Variants in RAI14 observed in about 807,000 individuals in gnomAD.
RAI14 encodes the protein ankycorbin.
In RAI14, 45 loss-of-function variants were observed where a neutral mutation model predicts 115.4. The ratio of observed to expected loss-of-function variants is 0.39; its 90% CI spans 0.31 to 0.50. The LOEUF (loss-of-function observed/expected upper bound fraction) is 0.50, where lower values mean the gene tolerates loss of function less well. Ranked by LOEUF, RAI14 falls within the 20% of genes least tolerant of loss-of-function variation. RAI14 has a pLI of 0.85. For missense variants in RAI14, 939 were observed against 1,131.2 expected (o/e 0.83, Z 2.44); for synonymous variants, 371 against 415.4 (o/e 0.89, Z 1.30).
intron 4 of RAI14, among the ~76,000 whole-genome samples, chr5:34,796,778 AC>A (rs1561046771): frequency 6.6e-6 from 1 of 152,034 alleles, no homozygotes; most frequent in African/African-American, 2.4e-5. Context: ...CATCCAGTTC[AC>A]CTGGGAACTT....
chr5:34,753,532 C>T (rs1195124665), intron 2 of RAI14, among the ~76,000 whole-genome samples: 3 of 152,108 alleles, frequency 2.0e-5, no homozygotes, highest in African/African-American at 4.8e-5. Flanking sequence ...GTAATCCCAG[C>T]ACTTTGGGAG....
At chr5:34,687,466 C>CT (rs1737991174) in intron 2 of RAI14, 2 of 1,024,816 alleles carry the variant, frequency 2.0e-6, no homozygotes, top group Non-Finnish European at 2.6e-6. Context: ...GACTCGTACT[C>CT]ATTTGTTATC....
intron 2 of RAI14, among the ~76,000 whole-genome samples, chr5:34,755,841 G>A (rs767161693): frequency 6.6e-6 from 1 of 152,144 alleles, no homozygotes; most frequent in Non-Finnish European, 1.5e-5. Flanking sequence ...TTGAGCTTTG[G>A]TGGAATCACA....
chr5:34,692,772 T>C (rs1032333355), intron 2 of RAI14, among the ~76,000 whole-genome samples: 2 of 152,160 alleles, frequency 1.3e-5, no homozygotes, highest in Admixed American at 6.5e-5. Flanking sequence ...GAGAATCTGC[T>C]CACTGCCTGA....
intron 13 of RAI14, among the ~76,000 whole-genome samples, chr5:34,819,729 C>G (rs1756632697): frequency 6.6e-6 from 1 of 151,976 alleles, no homozygotes; most frequent in African/African-American, 2.4e-5. Context: ...GTGTTTGGAG[C>G]CTTTAATTTG....
intron 3 of RAI14, among the ~76,000 whole-genome samples, chr5:34,783,012 A>T (rs557414186): frequency 1.3e-5 from 2 of 152,356 alleles, no homozygotes; most frequent in South Asian, 2.1e-4. Flanking sequence ...GAGCAGATTT[A>T]TAATGGTAAA....
chr5:34,783,193 TA>T (rs926121948), intron 3 of RAI14, among the ~76,000 whole-genome samples: 10 of 152,242 alleles, frequency 6.6e-5, no homozygotes, highest in African/African-American at 2.4e-4. Flanking sequence ...ACCATTAAAT[TA>T]CTCATTGTGA....
intron 3 of RAI14, among the ~76,000 whole-genome samples, chr5:34,795,419 T>C (rs1298696694): frequency 6.6e-6 from 1 of 152,200 alleles, no homozygotes; most frequent in Non-Finnish European, 1.5e-5. Flanking sequence ...TTACCAAATA[T>C]TGCATGCAAC....
intron 1 of RAI14, among the ~76,000 whole-genome samples, chr5:34,680,376 GAAAGAGACCACAAGAGCA>G (rs1744299969): frequency 6.6e-6 from 1 of 152,176 alleles, no homozygotes; most frequent in Admixed American, 6.5e-5. Flanking sequence ...ATGTGGATGC[GAAAGAGACCACAAGAGCA>G]AGCCTAGCTC....
intron 3 of RAI14, among the ~76,000 whole-genome samples, chr5:34,766,333 T>C (rs899750069): frequency 1.3e-5 from 2 of 152,176 alleles, no homozygotes; most frequent in Admixed American, 6.5e-5. Flanking sequence ...TGAGAGCAGC[T>C]GGGAGGGAGC....
intron 3 of RAI14, among the ~76,000 whole-genome samples, chr5:34,766,554 C>T (rs933475372): frequency 6.6e-6 from 1 of 152,180 alleles, no homozygotes; most frequent in South Asian, 2.1e-4. Context: ...TGTAATTGCC[C>T]AATACCTGTA....
At chr5:34,792,483 C>T (rs1753050743) in intron 3 of RAI14, among the ~76,000 whole-genome samples, 2 of 152,076 alleles carry the variant, frequency 1.3e-5, no homozygotes, top group Admixed American at 1.3e-4. Flanking sequence ...ATCCGCCCAC[C>T]TCGGCCTCCC....
chr5:34,825,481 G>T (rs1477891994), intron 15 of RAI14, among the ~76,000 whole-genome samples: 1 of 152,098 alleles, frequency 6.6e-6, no homozygotes, highest in African/African-American at 2.4e-5. Flanking sequence ...TCCATAATAT[G>T]AAACTAAAAT....
At chr5:34,744,244 G>A (rs1745888435) in intron 2 of RAI14, among the ~76,000 whole-genome samples, 1 of 152,158 alleles carries the variant, frequency 6.6e-6, no homozygotes, top group East Asian at 1.9e-4. Flanking sequence ...CTCCCTTTAA[G>A]CAATGAATGA....
intron 2 of RAI14, among the ~76,000 whole-genome samples, chr5:34,708,352 G>A (rs879358139): frequency 3.9e-5 from 6 of 151,980 alleles, no homozygotes; most frequent in Non-Finnish European, 5.9e-5. Flanking sequence ...ACAGGCATGC[G>A]CCACCTCGCC....
chr5:34,725,962 C>CA (rs199657623), intron 2 of RAI14, among the ~76,000 whole-genome samples: 10,359 of 113,588 alleles, frequency 0.091, 1,315 homozygotes, highest in African/African-American at 0.28. Context: ...AACTGCTTCT[C>CA]AAAAAAAAAA....
At chr5:34,749,136 G>T (rs1030517365) in intron 2 of RAI14, among the ~76,000 whole-genome samples, 3 of 152,090 alleles carry the variant, frequency 2.0e-5, no homozygotes, top group Non-Finnish European at 4.4e-5. Context: ...TTTGTCTTTC[G>T]TCTTAGACTT....
intron 2 of RAI14, among the ~76,000 whole-genome samples, chr5:34,734,787 A>G (rs1431835102): frequency 6.6e-6 from 1 of 151,894 alleles, no homozygotes; most frequent in Admixed American, 6.6e-5. Flanking sequence ...TCAGCTCCCG[A>G]GTAGCTGGGA....
intron 3 of RAI14, among the ~76,000 whole-genome samples, chr5:34,790,894 T>C (rs1275899417): frequency 6.6e-6 from 1 of 151,986 alleles, no homozygotes. Context: ...AATTTCCCCA[T>C]TGTAGACCAC....
Sources: gnomAD v4.1 joint callset for allele counts (sites outside exome capture counted in the v4.1 genomes callset) on GRCh38, gnomAD v4.1.1 for gene constraint, MANE v1.5 for transcripts, NCBI Gene and HGNC (gene_info 2026-07-23, HGNC 2026-07-21) for gene names.